The following MAP3K13 variants were observed in gnomAD, a reference collection of about 807,000 sequenced individuals.
The protein encoded by MAP3K13 is leucine zipper-bearing kinase.
A neutral mutation model predicts 104.0 loss-of-function variants in MAP3K13; 52 were observed. That is an observed-to-expected ratio of 0.50 (90% confidence interval 0.40 to 0.63). MAP3K13 has a LOEUF of 0.63. Among genes scored for constraint, MAP3K13 ranks in the 20% least tolerant of loss-of-function variants. The probability of loss-of-function intolerance (pLI) is 0.00; values close to 1 mark genes in which losing one functional copy is unlikely to be tolerated. For missense variants in MAP3K13, 914 were observed against 1,218.5 expected (o/e 0.75, Z 3.72); for synonymous variants, 394 against 442.2 (o/e 0.89, Z 1.37).
rs1203563806 is a variant in MAP3K13, at chr3:185,315,085, T to G, written c.-86+29442T>G. Among the ~76,000 whole-genome samples, 1 of 152,002 alleles carries G rather than the reference T, an allele frequency of 6.6e-6. No individual in the cohort carries two copies. The highest frequency in any genetic ancestry group is 1.9e-4 in the East Asian group (1 of 5,178). ...GACCAACAAGGTGAAACCCAGTCTC[T>G]AAGAATACAAAAAAATTAGCCAGGT... On this transcript the variant is annotated intron_variant, in intron 2 of 14. Coordinates refer to the MAP3K13 transcript ENST00000424227. This position sits in a 1 kb window ranked among gnomAD's most constrained non-coding sequence, Gnocchi z 4.3.
chr3:185,301,099 TA>T (rs1338034780), intron 2 of MAP3K13, among the ~76,000 whole-genome samples: 1 of 76,970 alleles, frequency 1.3e-5, no homozygotes, highest in Non-Finnish European at 3.1e-5. Context: ...TCTACATCCT[TA>T]CCAACACTTA....
chr3:185,302,190 G>A (rs1431361313), intron 2 of MAP3K13, among the ~76,000 whole-genome samples: 1 of 151,666 alleles, frequency 6.6e-6, no homozygotes, highest in Non-Finnish European at 1.5e-5. Flanking sequence ...ATTACTTGAG[G>A]TCAGGAGTTC....
At chr3:185,311,525 C>T (rs1721494965) in intron 2 of MAP3K13, among the ~76,000 whole-genome samples, 1 of 152,112 alleles carries the variant, frequency 6.6e-6, no homozygotes. Context: ...CCATATCATC[C>T]TGTAATCTCA....
At chr3:185,324,600 G>GTGCTTGCCCCTTCCGCCA (rs1206927232) in intron 2 of MAP3K13, among the ~76,000 whole-genome samples, 1 of 151,998 alleles carries the variant, frequency 6.6e-6, no homozygotes, top group African/African-American at 2.4e-5. Flanking sequence ...GGGGCACACC[G>GTGCTTGCCCCTTCCGCCA]TGCTTGCCCC....
chr3:185,400,905 G>GT (rs71164506), intron 1 of MAP3K13, among the ~76,000 whole-genome samples: 13,984 of 106,968 alleles, frequency 0.13, 796 homozygotes, highest in Admixed American at 0.15. Context: ...GTGTTTGTTT[G>GT]TTTTTTTTTT....
chr3:185,465,650 T>C (rs556481385), intron 8 of MAP3K13, 97 bp from the exon 9 acceptor site: 1 of 826,670 alleles, frequency 1.2e-6, no homozygotes, highest in Admixed American at 1.8e-5. Flanking sequence ...CTTGGGCAAA[T>C]GCTTTTGTGA....
intron 10 of MAP3K13, among the ~76,000 whole-genome samples, chr3:185,471,042 C>T (rs937554098): frequency 1.3e-4 from 20 of 152,112 alleles, no homozygotes; most frequent in Admixed American, 3.3e-4. Context: ...GGAGCCAAAT[C>T]GGGACTGTAA....
intron 1 of MAP3K13, among the ~76,000 whole-genome samples, chr3:185,379,176 G>A (rs1724584706): frequency 6.6e-6 from 1 of 152,290 alleles, no homozygotes; most frequent in South Asian, 2.1e-4. Flanking sequence ...ACCAAGGCAG[G>A]CGTCCCTGCG....
At chr3:185,344,189 G>A (rs917728369) in intron 2 of MAP3K13, among the ~76,000 whole-genome samples, 5 of 151,842 alleles carry the variant, frequency 3.3e-5, no homozygotes, top group African/African-American at 1.2e-4. Flanking sequence ...CTATGGGTCT[G>A]GGAAGAGGCA....
chr3:185,400,913 T>G lies in MAP3K13; in HGVS notation c.-85-27584T>G, dbSNP rs1438370680. ...ATTCTGGGTGTTTGTTTGTTTTTTT[T>G]TTTTTTTTTGTCTTCTTTTGATCTG... On this transcript the variant is annotated intron_variant, in intron 1 of 13. Coordinates refer to ENST00000265026, the MANE Select transcript of MAP3K13 (RefSeq NM_004721.5). Among the ~76,000 whole-genome samples, 147 of 150,396 alleles carry G rather than the reference T, an allele frequency of 9.8e-4. 1 individual carries two copies. The highest frequency in any genetic ancestry group is 3.2e-3 in the African/African-American group (133 of 40,938).
intron 2 of MAP3K13, among the ~76,000 whole-genome samples, chr3:185,298,309 T>C (rs1008645399): frequency 6.6e-6 from 1 of 152,148 alleles, no homozygotes; most frequent in South Asian, 2.1e-4. Flanking sequence ...ACCATAGACT[T>C]AGGGAAATAA....
intron 2 of MAP3K13, among the ~76,000 whole-genome samples, chr3:185,328,187 A>T (rs139100722): frequency 1.9e-3 from 291 of 152,316 alleles, no homozygotes; most frequent in African/African-American, 6.3e-3. Flanking sequence ...TACGTTTACC[A>T]AGAACTTTCT....
In MAP3K13 at chr3:185,465,848, A is replaced by C; in HGVS notation, c.1490A>C (p.Glu497Ala). ...SAIMLQLEMR[E>A]KELIKREQAV... ...ATCATGCTGCAGCTAGAAATGCGGG[A>C]GAAGGAGCTCATTAAGTATGTATCC... Residue 497 changes from glutamate to alanine, a missense_variant, in exon 9 of 14, where the codon GAG (glutamate) becomes GCG (alanine). Coordinates refer to ENST00000265026, the MANE Select transcript of MAP3K13 (RefSeq NM_004721.5). 6.2e-7 allele frequency: 1 copy of C among 1,613,076 alleles called. No individual in the cohort carries two copies. Among genetic ancestry groups the C allele is most frequent in the Non-Finnish European group, 8.5e-7 (1 of 1,179,016 alleles).
chr3:185,426,270 T>C (rs1241695928), intron 1 of MAP3K13, among the ~76,000 whole-genome samples: 1 of 152,156 alleles, frequency 6.6e-6, no homozygotes, highest in Middle Eastern at 3.4e-3. Flanking sequence ...TTAGTAGAGA[T>C]GGGGTTTCAC....
rs1033917795 is a variant in MAP3K13, at chr3:185,315,028, G to A, written c.-86+29385G>A. ...AGCACTTTGGGAGGCTGAGGCAGGC[G>A]CATCACGAAGTCAGGAGTTTGAGAC... On this transcript the variant is annotated intron_variant, in intron 2 of 14. Coordinates refer to the MAP3K13 transcript ENST00000424227. This position sits in a 1 kb window ranked among gnomAD's most constrained non-coding sequence, Gnocchi z 4.3. Among the ~76,000 whole-genome samples the A allele has an allele frequency of 1.6e-4, 25 of 152,088 alleles. No homozygotes were observed. Among genetic ancestry groups the A allele is most frequent in the Admixed American group, 2.6e-4 (4 of 15,272 alleles).
At chr3:185,433,994 A>G (rs1258859274) in intron 2 of MAP3K13, among the ~76,000 whole-genome samples, 1 of 152,072 alleles carries the variant, frequency 6.6e-6, no homozygotes, top group Non-Finnish European at 1.5e-5. Context: ...AAAATAATTT[A>G]TATCTGTCCT....
intron 12 of MAP3K13, among the ~76,000 whole-genome samples, chr3:185,479,282 G>A (rs965458250): frequency 6.6e-6 from 1 of 152,188 alleles, no homozygotes; most frequent in Non-Finnish European, 1.5e-5. Flanking sequence ...ATGAAGCTGG[G>A]GTGGATTGAC....
rs372049118 is a variant in MAP3K13 at position 185,455,159 on chromosome 3, T to C, written c.1278+3764T>C. ...ATATGATATATATGTGAGATATATA[T>C]GATATATATGAGATATATATGATAT... On this transcript the variant is annotated intron_variant, in intron 7 of 13. Coordinates refer to ENST00000265026, the MANE Select transcript of MAP3K13 (RefSeq NM_004721.5). Among the ~76,000 whole-genome samples, 58 of 49,234 alleles carry C rather than the reference T, an allele frequency of 1.2e-3. No homozygotes were observed. The East Asian group carries it at 0.024, about 20-fold the overall frequency. 32.3% of individuals were successfully genotyped at this position (49,234 alleles called of 152,430 possible).
intron 1 of MAP3K13, among the ~76,000 whole-genome samples, chr3:185,394,944 T>C (rs1014087022): frequency 2.0e-5 from 3 of 152,148 alleles, no homozygotes; most frequent in Non-Finnish European, 2.9e-5. Flanking sequence ...AGATAAACTA[T>C]AGAAAAATGT....
Sources: gnomAD v4.1 joint callset for allele counts (sites outside exome capture counted in the v4.1 genomes callset) on GRCh38, gnomAD v4.1.1 for gene constraint, Gnocchi (gnomAD v3.1) non-coding constraint, MANE v1.5 for transcripts, NCBI Gene and HGNC (gene_info 2026-07-23, HGNC 2026-07-21) for gene names.